The following PPARA variants were observed in gnomAD, a reference collection of about 807,000 sequenced individuals.
PPARA encodes peroxisome proliferator-activated receptor alpha.
Under a neutral mutation model 42.2 loss-of-function variants are expected in PPARA, and 22 were observed. The observed-to-expected ratio is 0.52, with a 90% CI of 0.37 to 0.74. The LOEUF (loss-of-function observed/expected upper bound fraction) is 0.74, where lower values mean the gene tolerates loss of function less well. Among genes scored for constraint, PPARA ranks in the 30% least tolerant of loss-of-function variants. The probability of loss-of-function intolerance (pLI) is 0.00; values close to 1 mark genes in which losing one functional copy is unlikely to be tolerated. For missense variants in PPARA, 465 were observed against 608.2 expected (o/e 0.76, Z 2.48); for synonymous variants, 242 against 239.3 (o/e 1.01, Z -0.10).
intron 7 of PPARA, 32 bp downstream of exon 7, chr22:46,220,046 G>T: frequency 1.2e-6 from 2 of 1,607,690 alleles, no homozygotes; most frequent in Non-Finnish European, 1.7e-6. Flanking sequence ...GGGTTCTCTT[G>T]GCAACATGGA....
chr22:46,178,684 C>A (rs1206503684), intron 3 of PPARA, among the ~76,000 whole-genome samples: 1 of 152,172 alleles, frequency 6.6e-6, no homozygotes, highest in Non-Finnish European at 1.5e-5. Flanking sequence ...AAAGAACCAT[C>A]TGAGAGGATT....
Position 46,196,843 on chromosome 22 carries a change from C to T in PPARA, c.-42-1499C>T, listed in dbSNP as rs924036100. Among the ~76,000 whole-genome samples, 5 of 152,192 alleles carry T rather than the reference C, an allele frequency of 3.3e-5. No individual in the cohort carries two copies. The highest frequency in any genetic ancestry group is 7.3e-5 in the Non-Finnish European group (5 of 68,048). Reference sequence around the variant, plus strand: ...GTTCAAGCGGTTCTCCTGCCTCAACCTCCTGAGTAGCTGGGATTACAGGTG... The same window carrying T: ...GTTCAAGCGGTTCTCCTGCCTCAACTTCCTGAGTAGCTGGGATTACAGGTG... On this transcript the variant is annotated intron_variant, in intron 3 of 8. Coordinates refer to ENST00000407236, the MANE Select transcript of PPARA (RefSeq NM_005036.6). The surrounding 1 kb of genome is among the most constrained non-coding windows in gnomAD (Gnocchi z 5.6).
At position 46,235,353 on chromosome 22, in the gene PPARA, G is replaced by A; in HGVS notation, c.1380G>A (p.Leu460=). Residue 460 remains leucine, a synonymous_variant, in exon 9 of 9, where the codon CTG becomes CTA. Coordinates refer to ENST00000407236, the MANE Select transcript of PPARA (RefSeq NM_005036.6). The surrounding 1 kb of genome is among the most constrained non-coding windows in gnomAD (Gnocchi z 7.0). ...TESDAALHPL[L]QEIYRDMY ...CGGATGCTGCGCTGCACCCGCTACT[G>A]CAGGAGATCTACAGGGACATGTACT... 6.2e-7 allele frequency: 1 copy of A among 1,613,826 alleles called. No homozygotes were observed. Among genetic ancestry groups the A allele is most frequent in the Non-Finnish European group, 8.5e-7 (1 of 1,179,934 alleles).
chr22:46,174,266 G>GAAGGAAGGAAGGAAGGAAGA lies in PPARA; in HGVS notation c.-126-2477_-126-2476insGGAAGGAAGAAAGGAAGGAA, dbSNP rs1555935220. Among the ~76,000 whole-genome samples, 4 of 64,760 alleles carry GAAGGAAGGAAGGAAGGAAGA rather than the reference G, an allele frequency of 6.2e-5. 1 individual carries two copies. Among genetic ancestry groups the GAAGGAAGGAAGGAAGGAAGA allele is most frequent in the Middle Eastern group, 7.0e-3 (1 of 142 alleles). 42.5% of individuals were successfully genotyped at this position (64,760 alleles called of 152,430 possible). On this transcript the variant is annotated intron_variant, in intron 2 of 8. Transcript: ENST00000407236. The stretch of plus-strand genomic sequence containing the variant: ...AGAAAGAAAGAAGGAAGGAAGGAAG[G>GAAGGAAGGAAGGAAGGAAGA]AAGGAAGGAAATTATGATAAAGCAG...
Position 46,217,979 on chromosome 22 carries a change from C to T in PPARA, c.370-284C>T, listed in dbSNP as rs554105018. ...CTGAGTAGCTGGGACTACAGACTTA[C>T]ATCACCATGCCCGGCTAATTTTTGT... On this transcript the variant is annotated intron_variant, in intron 5 of 8. Coordinates refer to ENST00000407236, the MANE Select transcript of PPARA (RefSeq NM_005036.6). 7.9e-5 allele frequency among the ~76,000 whole-genome samples: 12 copies of T among 151,806 alleles called. 1 individual carries two copies. The highest frequency in any genetic ancestry group is 6.8e-3 in the Middle Eastern group (2 of 292).
intron 3 of PPARA, among the ~76,000 whole-genome samples, chr22:46,179,317 G>C (rs924502929): frequency 6.6e-6 from 1 of 152,148 alleles, no homozygotes; most frequent in Non-Finnish European, 1.5e-5. Flanking sequence ...AAAAATTAAT[G>C]TAACTCATCG....
Position 46,198,443 on chromosome 22 carries a change from G to A in PPARA, c.60G>A (p.Glu20=). 6.2e-7 allele frequency: 1 copy of A among 1,613,834 alleles called. No homozygotes were observed. The highest frequency in any genetic ancestry group is 8.5e-7 in the Non-Finnish European group (1 of 1,179,962). The change falls in exon 4 of 9, where the codon GAG becomes GAA. Residue 20 remains glutamate (E), a synonymous_variant. Coordinates refer to ENST00000407236, the MANE Select transcript of PPARA (RefSeq NM_005036.6). ...CCCCACTCGAGGCCGGCGATCTAGA[G>A]AGCCCGTTATCTGAAGAGTTCCTGC... is the stretch of plus-strand genomic sequence containing the variant. ...PLSPLEAGDL[E]SPLSEEFLQE... is the part of the protein sequence containing the mutation.
Position 46,219,436 on chromosome 22 carries a change from C to T in PPARA, c.509-376C>T, listed in dbSNP as rs781704807. Among the ~76,000 whole-genome samples the T allele has an allele frequency of 3.3e-5, 5 of 152,190 alleles. No homozygotes were observed. Among genetic ancestry groups the T allele is most frequent in the Non-Finnish European group, 7.3e-5 (5 of 68,038 alleles). On this transcript the variant is annotated intron_variant, in intron 6 of 8. Coordinates refer to ENST00000407236, the MANE Select transcript of PPARA (RefSeq NM_005036.6). The surrounding 1 kb of genome is among the most constrained non-coding windows in gnomAD (Gnocchi z 4.8). ...TAAGTCGTTCATAAGAGTTGCATGT[C>T]TACCTTCTGGAAAAAGAAGCAGTTA...
chr22:46,224,992 T>C lies in PPARA; in HGVS notation c.711+4978T>C, dbSNP rs1313957162. Among the ~76,000 whole-genome samples, 1 of 93,146 alleles carries C rather than the reference T, an allele frequency of 1.1e-5. No individual in the cohort carries two copies. Among genetic ancestry groups the C allele is most frequent in the African/African-American group, 4.5e-5 (1 of 22,314 alleles). The allele number at this position is 93,146 out of a possible 152,430, so 61.1% of individuals were successfully genotyped here. A position where few individuals can be genotyped will look rare whatever the true frequency, so the allele number is the denominator to read the frequency against. On this transcript the variant is annotated intron_variant, in intron 7 of 8. Coordinates refer to ENST00000407236, the MANE Select transcript of PPARA (RefSeq NM_005036.6). This position sits in a 1 kb window ranked among gnomAD's most constrained non-coding sequence, Gnocchi z 5.7. The stretch of plus-strand genomic sequence containing the variant: ...ATGCTGGGGGGGGGCCTGAAACCGG[T>C]GGGGGAGTTGTGGGAGGCCTAGAAT...
rs1333418177 is a variant in PPARA, at chr22:46,238,452, G to A, written c.*3072G>A. Reference sequence around the variant, plus strand: ...AGAGATGTCAGGACAGATTCCAGGAGTGTCGGAGCACATGTGTGGCACCCG... The same window carrying A: ...AGAGATGTCAGGACAGATTCCAGGAATGTCGGAGCACATGTGTGGCACCCG... On this transcript the variant is annotated 3_prime_UTR_variant, in exon 9 of 9. Transcript: ENST00000407236. The surrounding 1 kb of genome is among the most constrained non-coding windows in gnomAD (Gnocchi z 8.3). The A allele has an allele frequency of 2.0e-5, 3 of 152,252 alleles. No homozygotes were observed. The highest frequency in any genetic ancestry group is 4.4e-5 in the Non-Finnish European group (3 of 68,052). The allele number at this position is 152,252 out of a possible 1,614,324, so 9.4% of individuals were successfully genotyped here. A position where few individuals can be genotyped will look rare whatever the true frequency, so the allele number is the denominator to read the frequency against.
In PPARA at chr22:46,231,206, A is replaced by G. The variant is rs980649433; in HGVS notation, c.712-586A>G. 6.8e-6 allele frequency among the ~76,000 whole-genome samples: 1 copy of G among 146,236 alleles called. No homozygotes were observed. The highest frequency in any genetic ancestry group is 2.5e-5 in the African/African-American group (1 of 39,408). On this transcript the variant is annotated intron_variant, in intron 7 of 8. Coordinates refer to ENST00000407236, the MANE Select transcript of PPARA (RefSeq NM_005036.6). This position sits in a 1 kb window ranked among gnomAD's most constrained non-coding sequence, Gnocchi z 7.7. ...CGAGTAGCTGGGGTTACAGGCACAC[A>G]CTATGCCTGGCTAATTTTTTTTTTT... is the stretch of plus-strand genomic sequence containing the variant.
In PPARA at chr22:46,234,164, C is replaced by G. The variant is rs1442525343; in HGVS notation, c.1160-969C>G. Among the ~76,000 whole-genome samples the G allele has an allele frequency of 6.6e-6, 1 of 152,110 alleles. No individual in the cohort carries two copies. The highest frequency in any genetic ancestry group is 1.9e-4 in the East Asian group (1 of 5,192). ...AGAGACTTAATAGTTATAGCCCCAG[C>G]CACTCTGGAGGCCGAGGCAGGAGGA... On this transcript the variant is annotated intron_variant, in intron 8 of 8. Transcript: ENST00000407236. The surrounding 1 kb of genome is among the most constrained non-coding windows in gnomAD (Gnocchi z 5.8).
chr22:46,226,737 GTGGTGTGCGCCTGTGGTTCCAGCCGC>G (rs1935490430), intron 7 of PPARA, among the ~76,000 whole-genome samples: 1 of 152,168 alleles, frequency 6.6e-6, no homozygotes, highest in South Asian at 2.1e-4. Flanking sequence ...GCTGGGCATG[GTGGTGTGCGCCTGTGGTTCCAGCCGC>G]TCAGGAGGCC....
At chr22:46,197,382 A>G (rs1932394680) in intron 3 of PPARA, among the ~76,000 whole-genome samples, 1 of 152,112 alleles carries the variant, frequency 6.6e-6, no homozygotes. Flanking sequence ...CTGTGTCCCC[A>G]GCACCTCAAA....
At position 46,204,155 on chromosome 22, in the gene PPARA, C is replaced by G. The variant is rs1933011882; in HGVS notation, c.208+5564C>G. On this transcript the variant is annotated intron_variant, in intron 4 of 8. Coordinates refer to ENST00000407236, the MANE Select transcript of PPARA (RefSeq NM_005036.6). This position sits in a 1 kb window ranked among gnomAD's most constrained non-coding sequence, Gnocchi z 5.2. ...TGGCTTCTTTCACTCTGCAGAATGGCTGTGAGACTCATCTGCATTGCAGCA... is the reference window on the plus strand; with the variant it reads ...TGGCTTCTTTCACTCTGCAGAATGGGTGTGAGACTCATCTGCATTGCAGCA... 6.6e-6 allele frequency among the ~76,000 whole-genome samples: 1 copy of G among 152,246 alleles called. No individual in the cohort carries two copies. The highest frequency in any genetic ancestry group is 1.5e-5 in the Non-Finnish European group (1 of 68,048).
chr22:46,215,163 T>G lies in PPARA; in HGVS notation c.209-10T>G, dbSNP rs1934357060. 1 of 1,613,384 alleles carries G rather than the reference T, an allele frequency of 6.2e-7. No homozygotes were observed. The highest frequency in any genetic ancestry group is 1.3e-5 in the African/African-American group (1 of 74,894). On this transcript the variant is annotated splice_polypyrimidine_tract_variant and intron_variant, in intron 4 of 8. Coordinates refer to ENST00000407236, the MANE Select transcript of PPARA (RefSeq NM_005036.6). ...TGGACTATTCATCCGTCTCTCCTCT[T>G]TTTCCCCAGACACGCTTTCACCAGC...
At chr22:46,214,818 A>C in intron 4 of PPARA, among the ~76,000 whole-genome samples, 2 of 141,420 alleles carry the variant, frequency 1.4e-5, no homozygotes, top group African/African-American at 2.7e-5. Flanking sequence ...AGATGTGGGA[A>C]TGAGGAGATG....
rs139212082 is a variant in PPARA at position 46,231,739 on chromosome 22, G to A, written c.712-53G>A. ...CTGCTCATTAGTGAGCTGATAGCTGGGAGCATAGCGCATCCCACATCACCT... is the reference window on the plus strand; with the variant it reads ...CTGCTCATTAGTGAGCTGATAGCTGAGAGCATAGCGCATCCCACATCACCT... On this transcript the variant is annotated intron_variant, in intron 7 of 8. Transcript: ENST00000407236. The surrounding 1 kb of genome is among the most constrained non-coding windows in gnomAD (Gnocchi z 7.7). The A allele has an allele frequency of 4.5e-4, 704 of 1,557,894 alleles. No homozygotes were observed. Among genetic ancestry groups the A allele is most frequent in the Middle Eastern group, 1.8e-3 (8 of 4,348 alleles).
chr22:46,231,975 A>G lies in PPARA; in HGVS notation c.895A>G (p.Asn299Asp). The G allele has an allele frequency of 6.2e-7, 1 of 1,614,250 alleles. No homozygotes were observed. Among genetic ancestry groups the G allele is most frequent in the East Asian group, 2.2e-5 (1 of 44,894 alleles). ...EFAKAIPGFA[N>D]LDLNDQVTLL... ...CGCCAAGGCCATCCCAGGCTTCGCA[A>G]ACTTGGACCTGAACGATCAAGTGAC... The change falls in exon 8 of 9, where the codon AAC becomes GAC. Residue 299 changes from asparagine to aspartate, a missense_variant. Physicochemically the swap from Asn to Asp is conservative, Grantham distance 23. Transcript: ENST00000407236. This position sits in a 1 kb window ranked among gnomAD's most constrained non-coding sequence, Gnocchi z 7.7.
Sources: allele counts gnomAD v4.1 joint callset (sites outside exome capture counted in the v4.1 genomes callset), GRCh38; gene constraint gnomAD v4.1.1; non-coding constraint Gnocchi (gnomAD v3.1); transcripts MANE v1.5; gene names NCBI Gene and HGNC (gene_info 2026-07-23, HGNC 2026-07-21).